RBM33: variants seen among roughly 807,000 people sequenced by gnomAD.
The protein encoded by RBM33 is RNA binding motif protein 33, also known as RNA-binding protein 33.
RBM33 carries 28 observed loss-of-function variants against 132.6 expected under a neutral mutation model. The ratio of observed to expected loss-of-function variants is 0.21; its 90% CI spans 0.16 to 0.29. RBM33 has a LOEUF of 0.29. RBM33 is among the 10% of genes least tolerant of loss of function. The pLI is 1.00. For synonymous variants in RBM33, 634 were observed against 593.0 expected (o/e 1.07, Z -1.01); for missense variants, 1,291 against 1,518.5 (o/e 0.85, Z 2.49).
intron 9 of RBM33, among the ~76,000 whole-genome samples, chr7:155,725,203 GTTTT>G (rs59050644): frequency 0.02 from 2,117 of 105,148 alleles, 49 homozygotes; most frequent in African/African-American, 0.066. Flanking sequence ...TTTTTTAGTT[GTTTT>G]TTTTTTTTTT....
At chr7:155,704,332 T>A (rs1023109813) in intron 6 of RBM33, among the ~76,000 whole-genome samples, 1 of 152,194 alleles carries the variant, frequency 6.6e-6, no homozygotes, top group Non-Finnish European at 1.5e-5. Context: ...TGAGTGACAG[T>A]GTTCTCGGTT....
chr7:155,718,532 C>A, intron 9 of RBM33, 89 bp downstream of exon 9: 1 of 1,067,122 alleles, frequency 9.4e-7, no homozygotes, highest in African/African-American at 1.6e-5. Flanking sequence ...AGGTTCCAGC[C>A]AAATATAATT....
intron 1 of RBM33, among the ~76,000 whole-genome samples, chr7:155,649,959 C>G (rs1425272288): frequency 6.6e-6 from 1 of 152,210 alleles, no homozygotes; most frequent in Non-Finnish European, 1.5e-5. Context: ...GTTTTCTGAG[C>G]ATGTGCCCAG....
intron 13 of RBM33, among the ~76,000 whole-genome samples, chr7:155,743,603 T>C (rs182524792): frequency 2.6e-5 from 4 of 152,336 alleles, no homozygotes; most frequent in Admixed American, 2.6e-4. Flanking sequence ...ATTTTTTTAC[T>C]TTTTAGAAGA....
chr7:155,773,753 T>C (rs1310635372), intron 16 of RBM33, among the ~76,000 whole-genome samples: 1 of 151,976 alleles, frequency 6.6e-6, no homozygotes, highest in Non-Finnish European at 1.5e-5. Flanking sequence ...TCCTCCTGCC[T>C]GCCCCTCCCA....
At chr7:155,691,168 T>A (rs1282404473) in intron 5 of RBM33, among the ~76,000 whole-genome samples, 1 of 152,220 alleles carries the variant, frequency 6.6e-6, no homozygotes, top group Non-Finnish European at 1.5e-5. Context: ...TGTTCGTTTC[T>A]TTTTACTCTT....
At chr7:155,752,853 G>A (rs565302946) in intron 14 of RBM33, among the ~76,000 whole-genome samples, 5 of 152,230 alleles carry the variant, frequency 3.3e-5, no homozygotes, top group East Asian at 3.9e-4. Flanking sequence ...CCGCTCCCAC[G>A]CACACTGGTT....
At chr7:155,725,813 TG>T (rs1800778597) in intron 9 of RBM33, among the ~76,000 whole-genome samples, 1 of 152,186 alleles carries the variant, frequency 6.6e-6, no homozygotes, top group South Asian at 2.1e-4. Context: ...ATTCATGTGG[TG>T]TTTTTTTACC....
chr7:155,728,625 A>G (rs775944111), intron 9 of RBM33, among the ~76,000 whole-genome samples: 6 of 152,206 alleles, frequency 3.9e-5, no homozygotes, highest in Admixed American at 1.3e-4. Context: ...AAAGCCTGCC[A>G]TGAAATTTCC....
At chr7:155,711,025 CT>C (rs1328963724) in intron 7 of RBM33, 177 bp from the exon 8 acceptor site, 2 of 864,194 alleles carry the variant, frequency 2.3e-6, no homozygotes, top group African/African-American at 1.8e-5. Flanking sequence ...AGAGAAGCTT[CT>C]TTATCCTGCT....
chr7:155,771,220 G>A (rs562686179), intron 16 of RBM33, among the ~76,000 whole-genome samples: 15 of 152,306 alleles, frequency 9.8e-5, no homozygotes, highest in African/African-American at 3.1e-4. Flanking sequence ...GTGTGTAGAC[G>A]TGTATATTTT....
At position 155,745,758 on chromosome 7, in the gene RBM33, C is replaced by T. The variant is rs370391348; in HGVS notation, c.2979+156C>T. 4.7e-5 allele frequency: 34 copies of T among 730,352 alleles called. No homozygotes were observed. The highest frequency in any genetic ancestry group is 6.0e-5 in the South Asian group (3 of 50,126). 45.2% of individuals were successfully genotyped at this position (730,352 alleles called of 1,614,324 possible). On this transcript the variant is annotated intron_variant, in intron 14 of 17. Coordinates refer to ENST00000401878, the MANE Select transcript of RBM33 (RefSeq NM_053043.3). The surrounding 1 kb of genome is among the most constrained non-coding windows in gnomAD (Gnocchi z 4.1). ...TACTTGAAGTTGGTATAAGAATTGC[C>T]GCTTGACGACAGGCATACATTCTCA...
intron 1 of RBM33, among the ~76,000 whole-genome samples, chr7:155,650,696 C>G (rs1197335035): frequency 6.6e-6 from 1 of 152,136 alleles, no homozygotes; most frequent in Non-Finnish European, 1.5e-5. Flanking sequence ...CCATTTGGGT[C>G]TGGTTCCCTT....
chr7:155,742,505 C>T (rs573715501), intron 13 of RBM33, among the ~76,000 whole-genome samples: 19 of 152,130 alleles, frequency 1.2e-4, no homozygotes, highest in African/African-American at 2.2e-4. Flanking sequence ...GACTGCGTTC[C>T]GGTAAAACTT....
At position 155,738,347 on chromosome 7, in the gene RBM33, T is replaced by C. The variant is rs1801199583; in HGVS notation, c.1681T>C (p.Phe561Leu). Residue 561 changes from phenylalanine to leucine, a missense_variant, in exon 11 of 18, where the codon TTC becomes CTC. Transcript: ENST00000401878. ...GCCCTTCATTCCTCCTAGACAGCCGTTCCTGCCAGGCCCAGGACAGCCGTT... is the reference window on the plus strand; with the variant it reads ...GCCCTTCATTCCTCCTAGACAGCCGCTCCTGCCAGGCCCAGGACAGCCGTT... ...TRPFIPPRQP[F>L]LPGPGQPFLP... 1 of 1,613,930 alleles carries C rather than the reference T, an allele frequency of 6.2e-7. No homozygotes were observed. Among genetic ancestry groups the C allele is most frequent in the African/African-American group, 1.3e-5 (1 of 75,028 alleles).
In RBM33 at chr7:155,716,316, G is replaced by GTTTTTTTTTTTTTTTT. The variant is rs59289310; in HGVS notation, c.1202-2068_1202-2053dup. Among the ~76,000 whole-genome samples, 70 of 102,360 alleles carry GTTTTTTTTTTTTTTTT rather than the reference G, an allele frequency of 6.8e-4. 5 individuals are homozygous for GTTTTTTTTTTTTTTTT. Among genetic ancestry groups the GTTTTTTTTTTTTTTTT allele is most frequent in the East Asian group, 1.7e-3 (5 of 2,902 alleles). The allele number at this position is 102,360 out of a possible 152,430, so 67.2% of individuals were successfully genotyped here. A position where few individuals can be genotyped will look rare whatever the true frequency, so the allele number is the denominator to read the frequency against. On this transcript the variant is annotated intron_variant, in intron 8 of 17. Coordinates refer to ENST00000401878, the MANE Select transcript of RBM33 (RefSeq NM_053043.3). ...TGTCAGCTGTTTTTCCTTTTCTGCT[G>GTTTTTTTTTTTTTTTT]TTTTTTTTTTTTTTTTAAATAGGGA...
At chr7:155,711,055 A>G (rs1296116685) in intron 7 of RBM33, 148 bp from the exon 8 acceptor site, 2 of 1,147,846 alleles carry the variant, frequency 1.7e-6, no homozygotes, top group Admixed American at 4.0e-5. Flanking sequence ...ACAAGTTGTT[A>G]CTACAGACTT....
intron 3 of RBM33, among the ~76,000 whole-genome samples, chr7:155,676,795 GT>G (rs1481921243): frequency 1.3e-5 from 2 of 152,186 alleles, no homozygotes; most frequent in African/African-American, 4.8e-5. Flanking sequence ...AGCTTTCTCA[GT>G]GAAGTGGATA....
intron 9 of RBM33, among the ~76,000 whole-genome samples, chr7:155,730,050 A>G (rs1045373080): frequency 6.6e-6 from 1 of 152,184 alleles, no homozygotes; most frequent in Admixed American, 6.5e-5. Context: ...CTCGGGGAAT[A>G]CCTTGCTATT....
Sources: allele counts gnomAD v4.1 joint callset (sites outside exome capture counted in the v4.1 genomes callset), GRCh38; gene constraint gnomAD v4.1.1; non-coding constraint Gnocchi (gnomAD v3.1); transcripts MANE v1.5; gene names NCBI Gene and HGNC (gene_info 2026-07-23, HGNC 2026-07-21).